Variants in FMO5 observed in about 807,000 individuals in gnomAD.
FMO5 encodes flavin containing dimethylaniline monoxygenase 5.
A neutral mutation model predicts 43.6 loss-of-function variants in FMO5; 51 were observed. That is an observed-to-expected ratio of 1.17 (90% confidence interval 0.93 to 1.48). The LOEUF is 1.48. Ranked by LOEUF, FMO5 falls within the 40% of genes most tolerant of loss-of-function variation. The probability of loss-of-function intolerance (pLI) is 0.00; values close to 1 mark genes in which losing one functional copy is unlikely to be tolerated. For synonymous variants in FMO5, 187 were observed against 216.5 expected, an observed-to-expected ratio of 0.86 and a Z score of 1.20; for missense variants, 644 against 643.0, an observed-to-expected ratio of 1.00 and a Z score of -0.02.
At chr1:147,192,757 C>T (rs1384853141) in intron 7 of FMO5, among the ~76,000 whole-genome samples, 3 of 152,140 alleles carry the variant, frequency 2.0e-5, no homozygotes, top group African/African-American at 7.2e-5. Flanking sequence ...TTTTCTGCAT[C>T]TATTGAGATA....
chr1:147,213,963 A>G (rs1300764348), intron 3 of FMO5, among the ~76,000 whole-genome samples: 2 of 152,114 alleles, frequency 1.3e-5, no homozygotes, highest in Non-Finnish European at 2.9e-5. Flanking sequence ...CTCTCATTTT[A>G]TATAAATGAA....
At chr1:147,225,184 C>T (rs1227589498) in intron 1 of FMO5, 103 bp downstream of exon 1, 2 of 1,472,134 alleles carry the variant, frequency 1.4e-6, no homozygotes, top group East Asian at 4.9e-5. Context: ...AGGACAGATT[C>T]GACGGTCCTC....
At chr1:147,206,311 T>G (rs1289882562) in intron 6 of FMO5, among the ~76,000 whole-genome samples, 1 of 152,166 alleles carries the variant, frequency 6.6e-6, no homozygotes, top group African/African-American at 2.4e-5. Context: ...ACTTTTACAC[T>G]GTTGGTGGGA....
At chr1:147,203,828 T>C in intron 6 of FMO5, 1 of 1,562,274 alleles carries the variant, frequency 6.4e-7, no homozygotes, top group South Asian at 1.1e-5. Flanking sequence ...AATGATGCCA[T>C]CTTCCTTTTC....
rs145958909 is a variant in FMO5 at position 147,197,572 on chromosome 1, C to T, written c.1183+3580G>A. ...GTTCTCATGATACTGAGTGAGTTCTCACGAGATCTGATGGTTTTATACGGG... is the reference window on the plus strand; with the variant it reads ...GTTCTCATGATACTGAGTGAGTTCTTACGAGATCTGATGGTTTTATACGGG... On this transcript the variant is annotated intron_variant, in intron 7 of 8. Coordinates refer to ENST00000254090, the MANE Select transcript of FMO5 (RefSeq NM_001461.4). Among the ~76,000 whole-genome samples the T allele has an allele frequency of 6.0e-3, 909 of 152,170 alleles. 4 individuals are homozygous for T. Among genetic ancestry groups the T allele is most frequent in the Middle Eastern group, 0.01 (3 of 294 alleles).
chr1:147,220,530 C>A (rs2102056447), intron 2 of FMO5, among the ~76,000 whole-genome samples: 1 of 152,160 alleles, frequency 6.6e-6, no homozygotes, highest in Non-Finnish European at 1.5e-5. Flanking sequence ...TGACTTTGTT[C>A]CAAAGAGTAT....
chr1:147,191,546 A>G (rs587747708), intron 7 of FMO5, among the ~76,000 whole-genome samples: 267 of 151,798 alleles, frequency 1.8e-3, no homozygotes, highest in African/African-American at 6.1e-3. Flanking sequence ...TTTTTTTCTT[A>G]TAAACTTGTT....
At chr1:147,224,784 A>C (rs1216768664) in intron 2 of FMO5, 111 bp downstream of exon 2, 2 of 984,264 alleles carry the variant, frequency 2.0e-6, no homozygotes, top group Admixed American at 3.6e-5. Flanking sequence ...TGCTAGGATT[A>C]CAGGCGTGTG....
At position 147,189,047 on chromosome 1, in the gene FMO5, G is replaced by A. The variant is rs28381221; in HGVS notation, c.1256+1130C>T. Among the ~76,000 whole-genome samples, 450 of 151,950 alleles carry A rather than the reference G, an allele frequency of 3.0e-3. 2 individuals carry two copies. Among genetic ancestry groups the A allele is most frequent in the African/African-American group, 5.9e-3 (244 of 41,342 alleles). ...TCCCAGCACTTTGGGAGGCTGAGGC[G>A]GGCAGATCACAAGGTCAGGAGTTTG... On this transcript the variant is annotated intron_variant, in intron 8 of 8. Coordinates refer to ENST00000254090, the MANE Select transcript of FMO5 (RefSeq NM_001461.4).
intron 6 of FMO5, chr1:147,204,397 A>G (rs782540505): frequency 3.9e-5 from 43 of 1,113,708 alleles, no homozygotes; most frequent in Middle Eastern, 2.0e-4. Flanking sequence ...AAGCTTGGCC[A>G]GAAATACTTC....
rs954351256 is a variant in FMO5, at chr1:147,195,546, C to T, written c.1184-5297G>A. ...TTAAGGCCAAGGGGAACTCATAATA[C>T]CTAATATTAACTGATAAATTTAAGT... On this transcript the variant is annotated intron_variant, in intron 7 of 8. Coordinates refer to ENST00000254090, the MANE Select transcript of FMO5 (RefSeq NM_001461.4). Among the ~76,000 whole-genome samples, 86 of 152,088 alleles carry T rather than the reference C, an allele frequency of 5.7e-4. 1 individual carries two copies. The highest frequency in any genetic ancestry group is 3.3e-4 in the Admixed American group (5 of 15,262).
upstream of FMO5, chr1:147,225,903 CT>C (rs1553927660): frequency 6.6e-6 from 1 of 152,150 alleles, no homozygotes; most frequent in Non-Finnish European, 1.5e-5. Context: ...AGGCTTACAA[CT>C]TTAAGGGGTC....
chr1:147,184,564 G>A, downstream of FMO5: 1 of 1,549,326 alleles, frequency 6.5e-7, no homozygotes, highest in Non-Finnish European at 8.7e-7. This position sits in a 1 kb window ranked among gnomAD's most constrained non-coding sequence, Gnocchi z 4.4. Flanking sequence ...TGACAGTTTT[G>A]AGGTAGTCAG....
At chr1:147,207,319 T>C (rs1660275196) in intron 6 of FMO5, among the ~76,000 whole-genome samples, 1 of 152,170 alleles carries the variant, frequency 6.6e-6, no homozygotes, top group Non-Finnish European at 1.5e-5. Flanking sequence ...AACAGGTGAA[T>C]CCAGGTGAAG....
chr1:147,189,647 A>C (rs587601867), intron 8 of FMO5, among the ~76,000 whole-genome samples: 7 of 152,296 alleles, frequency 4.6e-5, no homozygotes, highest in African/African-American at 1.7e-4. Flanking sequence ...GATTGTGTTC[A>C]TCAAAACACT....
chr1:147,212,430 C>T lies in FMO5; in HGVS notation c.593G>A (p.Gly198Glu), dbSNP rs1571344163. ...TTGGCTAATCTCTACAGCCAGATCC[C>T]CTCCAGAATTCCCAATGCCAATTAT... ...VIIIGIGNSG[G>E]DLAVEISQTA... The change falls in exon 5 of 9, where the codon GGG becomes GAG. Residue 198 changes from glycine (G) to glutamate (E), a missense_variant. Coordinates refer to ENST00000254090, the MANE Select transcript of FMO5 (RefSeq NM_001461.4). 6.2e-7 allele frequency: 1 copy of T among 1,614,084 alleles called. No individual in the cohort carries two copies. Among genetic ancestry groups the T allele is most frequent in the East Asian group, 2.2e-5 (1 of 44,880 alleles).
chr1:147,217,477 A>G (rs1400685221), intron 2 of FMO5, among the ~76,000 whole-genome samples: 1 of 152,172 alleles, frequency 6.6e-6, no homozygotes, highest in Non-Finnish European at 1.5e-5. Context: ...AGATATTGAG[A>G]TATTGAGTAT....
At chr1:147,206,618 A>G (rs1195449987) in intron 6 of FMO5, among the ~76,000 whole-genome samples, 1 of 152,208 alleles carries the variant, frequency 6.6e-6, no homozygotes, top group Admixed American at 6.5e-5. Context: ...TTGTAGAGAC[A>G]TGGATGAAGC....
At chr1:147,226,388 A>G (rs1044242341), upstream of FMO5, among the ~76,000 whole-genome samples, 3 of 152,212 alleles carry the variant, frequency 2.0e-5, no homozygotes, top group Non-Finnish European at 4.4e-5. Flanking sequence ...AGGGGCTTAC[A>G]GATTAGTGGA....
Sources: allele counts gnomAD v4.1 joint callset (sites outside exome capture counted in the v4.1 genomes callset), GRCh38; gene constraint gnomAD v4.1.1; non-coding constraint Gnocchi (gnomAD v3.1); transcripts MANE v1.5; gene names NCBI Gene and HGNC (gene_info 2026-07-23, HGNC 2026-07-21).